TTC3: variants seen among roughly 807,000 people sequenced by gnomAD.
The protein encoded by TTC3 is E3 ubiquitin-protein ligase TTC3.
In TTC3, 180 loss-of-function variants were observed where a neutral mutation model predicts 249.6. That is an observed-to-expected ratio of 0.72 (90% CI 0.64 to 0.82). TTC3 has a LOEUF of 0.82. Among genes scored for constraint, TTC3 ranks in the 40% least tolerant of loss-of-function variants. TTC3 has a pLI of 0.00. For synonymous variants in TTC3, 717 were observed against 805.0 expected (o/e 0.89, Z 1.85); for missense variants, 2,061 against 2,398.4 (o/e 0.86, Z 2.94).
At chr21:37,167,763 T>A (rs2081379984) in intron 34 of TTC3, 143 bp downstream of exon 34, 2 of 481,070 alleles carry the variant, frequency 4.2e-6, no homozygotes, top group Non-Finnish European at 6.7e-6. Context: ...AACAAAAAAA[T>A]GATTTTGTTT....
intron 19 of TTC3, among the ~76,000 whole-genome samples, chr21:37,139,004 G>T (rs550578376): frequency 3.7e-4 from 57 of 152,198 alleles, no homozygotes; most frequent in African/African-American, 1.3e-3. Flanking sequence ...GCAAGTTGGA[G>T]GACATAAACA....
chr21:37,167,246 A>G (rs771702436), intron 33 of TTC3, among the ~76,000 whole-genome samples: 3 of 152,226 alleles, frequency 2.0e-5, no homozygotes, highest in Middle Eastern at 3.2e-3. Context: ...GATGAAATCA[A>G]GATTCTCCTA....
intron 18 of TTC3, among the ~76,000 whole-genome samples, chr21:37,138,238 G>T (rs1343920866): frequency 6.6e-6 from 1 of 152,150 alleles, no homozygotes; most frequent in African/African-American, 2.4e-5. Flanking sequence ...TCACTTGATT[G>T]TGATATTTGC....
chr21:37,126,543 A>G (rs984275049), intron 15 of TTC3, among the ~76,000 whole-genome samples: 5 of 152,182 alleles, frequency 3.3e-5, no homozygotes, highest in African/African-American at 9.7e-5. Context: ...TATGTACCAT[A>G]TGTGCATCTG....
At chr21:37,129,356 A>G (rs1452291743) in intron 16 of TTC3, among the ~76,000 whole-genome samples, 1 of 152,152 alleles carries the variant, frequency 6.6e-6, no homozygotes, top group South Asian at 2.1e-4. Flanking sequence ...GCATTAAGAG[A>G]GATATAAGGT....
At chr21:37,131,868 A>G (rs2077497824) in intron 16 of TTC3, among the ~76,000 whole-genome samples, 1 of 152,212 alleles carries the variant, frequency 6.6e-6, no homozygotes, top group African/African-American at 2.4e-5. Context: ...AAAACTCCAC[A>G]TCGAGTGCCT....
At chr21:37,075,025 A>G (rs1017127532) in intron 1 of TTC3, among the ~76,000 whole-genome samples, 1 of 152,074 alleles carries the variant, frequency 6.6e-6, no homozygotes, top group Non-Finnish European at 1.5e-5. Flanking sequence ...TTTTCTAGAG[A>G]TAGCCACTGC....
At chr21:37,123,906 G>A (rs944644566) in intron 13 of TTC3, among the ~76,000 whole-genome samples, 1 of 150,892 alleles carries the variant, frequency 6.6e-6, no homozygotes, top group Non-Finnish European at 1.5e-5. Flanking sequence ...CTGCCACCAC[G>A]CCCTGCTAAT....
At chr21:37,163,499 C>T (rs753012546) in intron 31 of TTC3, among the ~76,000 whole-genome samples, 13 of 152,118 alleles carry the variant, frequency 8.5e-5, no homozygotes, top group Non-Finnish European at 7.4e-5. Flanking sequence ...TACAGCCATG[C>T]GCCATGACGC....
chr21:37,077,274 A>T (rs1035616436), intron 1 of TTC3, among the ~76,000 whole-genome samples: 3 of 152,130 alleles, frequency 2.0e-5, no homozygotes, highest in Admixed American at 6.5e-5. Context: ...TGTCATCTTA[A>T]TGGGTAAAGG....
At chr21:37,174,302 C>T (rs536357546) in intron 35 of TTC3, among the ~76,000 whole-genome samples, 1 of 152,158 alleles carries the variant, frequency 6.6e-6, no homozygotes, top group African/African-American at 2.4e-5. Flanking sequence ...CTTAAAAGGG[C>T]AATTACTAAG....
intron 6 of TTC3, 21 bp downstream of exon 6, chr21:37,090,307 C>T: frequency 6.3e-7 from 1 of 1,598,696 alleles, no homozygotes; most frequent in Non-Finnish European, 8.5e-7. Flanking sequence ...AACACTGAAA[C>T]TGGCACAGCC....
intron 20 of TTC3, 36 bp downstream of exon 20, chr21:37,140,709 G>T (rs1400083408): frequency 7.1e-7 from 1 of 1,414,830 alleles, no homozygotes; most frequent in Non-Finnish European, 9.7e-7. Context: ...GCTCTAGGCT[G>T]GTAACTCATT....
At chr21:37,121,146 T>C (rs995363142) in intron 11 of TTC3, 1 of 152,166 alleles carries the variant, frequency 6.6e-6, no homozygotes, top group Non-Finnish European at 1.5e-5. Flanking sequence ...TTCCAAAATA[T>C]GTAAATGGAC....
intron 30 of TTC3, among the ~76,000 whole-genome samples, chr21:37,161,613 G>A (rs897484832): frequency 6.6e-6 from 1 of 152,232 alleles, no homozygotes; most frequent in Non-Finnish European, 1.5e-5. Flanking sequence ...TTGTGTGTAT[G>A]TGGGGAGCAG....
chr21:37,157,841 A>G (rs1040492296), intron 28 of TTC3, among the ~76,000 whole-genome samples: 3 of 152,248 alleles, frequency 2.0e-5, no homozygotes, highest in Admixed American at 1.3e-4. Context: ...CTTAAAAATT[A>G]TAATATTCCT....
At chr21:37,073,769 C>T (rs896155025) in intron 1 of TTC3, among the ~76,000 whole-genome samples, 1 of 152,272 alleles carries the variant, frequency 6.6e-6, no homozygotes, top group East Asian at 1.9e-4. Flanking sequence ...TGTCGGTGTC[C>T]GCGCTCCCTG....
intron 35 of TTC3, among the ~76,000 whole-genome samples, chr21:37,178,327 T>A (rs2082446757): frequency 6.6e-6 from 1 of 152,202 alleles, no homozygotes; most frequent in Admixed American, 6.5e-5. Flanking sequence ...TTCTTTTGGA[T>A]ATATATGTAG....
intron 7 of TTC3, among the ~76,000 whole-genome samples, chr21:37,092,939 TTC>T (rs2073463335): frequency 6.6e-6 from 1 of 152,170 alleles, no homozygotes; most frequent in Non-Finnish European, 1.5e-5. Flanking sequence ...TTCAAATAAC[TTC>T]TCATTGTAAC....
Sources: allele counts gnomAD v4.1 joint callset (sites outside exome capture counted in the v4.1 genomes callset), GRCh38; gene constraint gnomAD v4.1.1; transcripts MANE v1.5; gene names NCBI Gene and HGNC (gene_info 2026-07-23, HGNC 2026-07-21).